Variants in SPART observed in about 807,000 individuals in gnomAD.
SPART encodes the protein spartin.
A neutral mutation model predicts 58.7 loss-of-function variants in SPART; 35 were observed. The observed-to-expected ratio is 0.60, with a 90% confidence interval of 0.46 to 0.79. SPART has a LOEUF of 0.79. Ranked by LOEUF, SPART falls within the 30% of genes least tolerant of loss-of-function variation. The pLI is 0.00. For synonymous variants in SPART, 284 were observed against 280.7 expected, an observed-to-expected ratio of 1.01 and a Z score of -0.12; for missense variants, 730 against 786.1, an observed-to-expected ratio of 0.93 and a Z score of 0.85.
At chr13:36,347,785 A>ATTATAACATTTAAAATG (rs898616799), upstream of SPART, among the ~76,000 whole-genome samples, 10 of 152,310 alleles carry the variant, frequency 6.6e-5, no homozygotes, top group Admixed American at 6.5e-4. Flanking sequence ...CTTCTGTTTT[A>ATTATAACATTTAAAATG]TTATAAATTA....
At chr13:36,362,518 A>G (rs1885905569) in intron 1 of SPART, among the ~76,000 whole-genome samples, 1 of 152,160 alleles carries the variant, frequency 6.6e-6, no homozygotes, top group Admixed American at 6.5e-5. Flanking sequence ...CAGTTATTGA[A>G]AAAAGTGCAT....
At position 36,332,020 on chromosome 13, in the gene SPART, T is replaced by C. The variant is rs949815250; in HGVS notation, c.811-424A>G. 2.6e-5 allele frequency among the ~76,000 whole-genome samples: 4 copies of C among 152,236 alleles called. No individual in the cohort carries two copies. The East Asian group carries it at 5.8e-4, about 22-fold the overall frequency. ...TACTGAAATAATAGTATTTACTGAT[T>C]TAATCCTCCTAACAATCCTATGAAA... On this transcript the variant is annotated intron_variant, in intron 2 of 8. Transcript: ENST00000438666.
chr13:36,328,377 C>T (rs550984138), intron 4 of SPART, among the ~76,000 whole-genome samples: 6 of 152,258 alleles, frequency 3.9e-5, no homozygotes, highest in African/African-American at 1.4e-4. Flanking sequence ...GCTTATATTA[C>T]CACTTCTGCC....
chr13:36,305,278 T>A (rs1485815338), intron 8 of SPART, among the ~76,000 whole-genome samples: 1 of 152,130 alleles, frequency 6.6e-6, no homozygotes, highest in African/African-American at 2.4e-5. Flanking sequence ...TCTCATTATC[T>A]AACCTGTTTA....
At chr13:36,310,229 G>A (rs1483366912) in intron 8 of SPART, among the ~76,000 whole-genome samples, 2 of 152,072 alleles carry the variant, frequency 1.3e-5, no homozygotes, top group Non-Finnish European at 2.9e-5. Context: ...GTCAATAAGT[G>A]GATAATTAAC....
chr13:36,322,288 A>C (rs542171604), intron 5 of SPART, among the ~76,000 whole-genome samples: 11 of 152,240 alleles, frequency 7.2e-5, no homozygotes, highest in African/African-American at 2.6e-4. Context: ...GTTTACTAAA[A>C]ATACAAAAAT....
chr13:36,321,408 G>A (rs1424368532), intron 5 of SPART, among the ~76,000 whole-genome samples: 2 of 152,044 alleles, frequency 1.3e-5, no homozygotes, highest in African/African-American at 2.4e-5. Context: ...ATCCTGAGTC[G>A]TCCCAATTCT....
rs143274967 is a variant in SPART at position 36,304,412 on chromosome 13, C to T, written c.1954G>A (p.Asp652Asn). The T allele has an allele frequency of 4.4e-5, 71 of 1,614,006 alleles. No individual in the cohort carries two copies. The highest frequency in any genetic ancestry group is 5.8e-5 in the Non-Finnish European group (68 of 1,180,014). ...TCCTTTACTTCCTTCGTCTGCTCATCCTTCTCCCCTCTCACGTTGACATTT... is the reference window on the plus strand; with the variant it reads ...TCCTTTACTTCCTTCGTCTGCTCATTCTTCTCCCCTCTCACGTTGACATTT... Reference protein sequence around the residue: ...AANVNVRGEKDEQTKEVKEAK... With the variant: ...AANVNVRGEKNEQTKEVKEAK... Residue 652 changes from aspartate to asparagine, a missense_variant, in exon 9 of 9, where the codon GAT becomes AAT. Coordinates refer to ENST00000438666, the MANE Select transcript of SPART (RefSeq NM_015087.5).
At chr13:36,323,311 G>A (rs1460822196) in intron 5 of SPART, among the ~76,000 whole-genome samples, 3 of 152,140 alleles carry the variant, frequency 2.0e-5, no homozygotes, top group Non-Finnish European at 4.4e-5. Context: ...CCAAAGGTGG[G>A]CTCCATCAGT....
At chr13:36,324,198 G>C (rs889420028) in intron 5 of SPART, among the ~76,000 whole-genome samples, 2 of 152,182 alleles carry the variant, frequency 1.3e-5, no homozygotes, top group Non-Finnish European at 2.9e-5. Context: ...ATCTGGGCTG[G>C]CTTGTTGTTT....
chr13:36,368,472 C>T (rs940279003), intron 1 of SPART: 14 of 159,344 alleles, frequency 8.8e-5, no homozygotes, highest in Non-Finnish European at 1.4e-4. Context: ...AAAAACCTGC[C>T]AATAGAAAGC....
chr13:36,356,603 A>C (rs917085085), intron 1 of SPART, among the ~76,000 whole-genome samples: 5 of 152,206 alleles, frequency 3.3e-5, no homozygotes, highest in Non-Finnish European at 7.3e-5. Context: ...TCCTACTTAA[A>C]GTTGTCCCCC....
At chr13:36,356,428 C>T (rs1398479088) in intron 1 of SPART, among the ~76,000 whole-genome samples, 2 of 152,198 alleles carry the variant, frequency 1.3e-5, no homozygotes, top group Non-Finnish European at 2.9e-5. Flanking sequence ...AACCTATTCT[C>T]TCTGAAGTCT....
chr13:36,318,554 T>C (rs1216879647), intron 5 of SPART, among the ~76,000 whole-genome samples: 16 of 152,178 alleles, frequency 1.1e-4, no homozygotes, highest in Non-Finnish European at 1.9e-4. Flanking sequence ...AGGATTTAAT[T>C]AACCTCGCCT....
At chr13:36,351,050 A>G (rs1885390630), upstream of SPART, among the ~76,000 whole-genome samples, 1 of 152,170 alleles carries the variant, frequency 6.6e-6, no homozygotes, top group South Asian at 2.1e-4. Context: ...GTTTGAAGCC[A>G]CCTTCATCTC....
chr13:36,355,400 G>A (rs932908981), intron 1 of SPART, among the ~76,000 whole-genome samples: 1 of 152,160 alleles, frequency 6.6e-6, no homozygotes, highest in African/African-American at 2.4e-5. Context: ...GAAAGGAAAT[G>A]TGGGAAACAC....
rs939303773 is a variant in SPART at position 36,303,592 on chromosome 13, G to C, written c.*773C>G. On this transcript the variant is annotated 3_prime_UTR_variant, in exon 9 of 9. Transcript: ENST00000438666. ...CTTTTGGAAAAACAGAAGCAGATAT[G>C]ATAAAATAATTTCTTGAAGTACTTT... 6.6e-6 allele frequency: 1 copy of C among 152,010 alleles called. No homozygotes were observed. The highest frequency in any genetic ancestry group is 2.1e-4 in the South Asian group (1 of 4,826). 9.4% of individuals were successfully genotyped at this position (152,010 alleles called of 1,614,324 possible). A position where few individuals can be genotyped will look rare whatever the true frequency, so the allele number is the denominator to read the frequency against.
rs1879999493 is a variant in SPART at position 36,301,648 on chromosome 13, G to T, written c.*2717C>A. 1 of 152,142 alleles carries T rather than the reference G, an allele frequency of 6.6e-6. No individual in the cohort carries two copies. The highest frequency in any genetic ancestry group is 1.9e-4 in the East Asian group (1 of 5,194). 9.4% of individuals were successfully genotyped at this position (152,142 alleles called of 1,614,324 possible). A position where few individuals can be genotyped will look rare whatever the true frequency, so the allele number is the denominator to read the frequency against. On this transcript the variant is annotated 3_prime_UTR_variant, in exon 9 of 9. Coordinates refer to ENST00000438666, the MANE Select transcript of SPART (RefSeq NM_015087.5). ...TCAAGAAAACACAAATTAAAATTAT[G>T]AGATACTTTTTTATATATGCTACAT...
upstream of SPART, among the ~76,000 whole-genome samples, chr13:36,347,977 C>A (rs1307888440): frequency 6.6e-6 from 1 of 152,068 alleles, no homozygotes; most frequent in Non-Finnish European, 1.5e-5. Flanking sequence ...AATTGTATGT[C>A]AATATTTCTT....
Sources: gnomAD v4.1 joint callset for allele counts (sites outside exome capture counted in the v4.1 genomes callset) on GRCh38, gnomAD v4.1.1 for gene constraint, MANE v1.5 for transcripts, NCBI Gene and HGNC (gene_info 2026-07-23, HGNC 2026-07-21) for gene names.